Variants in RHBDD2 observed in about 807,000 individuals in gnomAD.
RHBDD2 encodes the protein rhomboid domain-containing protein 2.
A neutral mutation model predicts 21.7 loss-of-function variants in RHBDD2; 13 were observed. The observed-to-expected ratio is 0.60, with a 90% CI of 0.39 to 0.95. The LOEUF (loss-of-function observed/expected upper bound fraction) is 0.95, where lower values mean the gene tolerates loss of function less well. RHBDD2 is among the 40% of genes least tolerant of loss of function. RHBDD2 has a pLI of 0.00. For missense variants in RHBDD2, 473 were observed against 478.9 expected (o/e 0.99, Z 0.11); for synonymous variants, 225 against 220.0 (o/e 1.02, Z -0.20).
chr7:75,883,438 G>T lies in RHBDD2; in HGVS notation c.587-260G>T, dbSNP rs1409710154. 1.9e-5 allele frequency: 5 copies of T among 263,746 alleles called. No homozygotes were observed. In the East Asian group the frequency reaches 4.1e-4, roughly 21 times the overall value. 16.3% of individuals were successfully genotyped at this position (263,746 alleles called of 1,614,324 possible). A position where few individuals can be genotyped will look rare whatever the true frequency, so the allele number is the denominator to read the frequency against. ...GGAGGCTGAGGCAGGAGAATGGTGT[G>T]ATCTGGGAGGCGGAGCTTGCAGTGA... is the stretch of plus-strand genomic sequence containing the variant. On this transcript the variant is annotated intron_variant, in intron 2 of 3. Coordinates refer to ENST00000006777, the MANE Select transcript of RHBDD2 (RefSeq NM_001040456.3).
At position 75,882,220 on chromosome 7, in the gene RHBDD2, G is replaced by C; in HGVS notation, c.570G>C (p.Leu190=). The C allele has an allele frequency of 6.2e-7, 1 of 1,612,222 alleles. No homozygotes were observed. Among genetic ancestry groups the C allele is most frequent in the East Asian group, 2.2e-5 (1 of 44,858 alleles). Residue 190 remains leucine, a synonymous_variant, in exon 2 of 4, where the codon CTG becomes CTC. Transcript: ENST00000006777. The part of the protein sequence containing the change: ...QTSFLSNVCG[L]SIGLAYGLTY... ...CTTTCCTCAGTAATGTCTGCGGGCT[G>C]TCCATCGGGCTGGCCTGTATCCTTC...
chr7:75,888,496 C>T lies in RHBDD2; in HGVS notation c.*147C>T. On this transcript the variant is annotated 3_prime_UTR_variant, in exon 4 of 4. Transcript: ENST00000006777. ...TGCCCCTGTTTCAGTCTCATCTGTA[C>T]TCACGGCAGCCCTGTGGAGTACGGT... 1.5e-6 allele frequency: 1 copy of T among 674,558 alleles called. No homozygotes were observed. Among genetic ancestry groups the T allele is most frequent in the Non-Finnish European group, 2.5e-6 (1 of 392,784 alleles). 41.8% of individuals were successfully genotyped at this position (674,558 alleles called of 1,614,324 possible). A position where few individuals can be genotyped will look rare whatever the true frequency, so the allele number is the denominator to read the frequency against.
intron 1 of RHBDD2, chr7:75,881,524 C>T (rs1405397298): frequency 7.5e-7 from 1 of 1,337,954 alleles, no homozygotes; most frequent in South Asian, 1.3e-5. Context: ...GATTATAAAG[C>T]ACTTTACAAA....
At chr7:75,879,370 C>T (rs1805180738) in intron 1 of RHBDD2, 110 bp downstream of exon 1, 1 of 1,079,726 alleles carries the variant, frequency 9.3e-7, no homozygotes, top group Non-Finnish European at 1.2e-6. Flanking sequence ...CGCCAGTCTC[C>T]CCCTGTCTCG....
rs1805851281 is a variant in RHBDD2, at chr7:75,888,705, C to G, written c.*356C>G. 3.5e-6 allele frequency: 1 copy of G among 283,116 alleles called. No individual in the cohort carries two copies. Among genetic ancestry groups the G allele is most frequent in the Admixed American group, 4.8e-5 (1 of 20,880 alleles). The allele number at this position is 283,116 out of a possible 1,614,324, so 17.5% of individuals were successfully genotyped here. Reference sequence around the variant, plus strand: ...CATTCCTCCCTGTGGCTGTGCCGTGCTCGTGGTTTCAGTGTCCGTGTGTCC... The same window carrying G: ...CATTCCTCCCTGTGGCTGTGCCGTGGTCGTGGTTTCAGTGTCCGTGTGTCC... On this transcript the variant is annotated 3_prime_UTR_variant, in exon 4 of 4. Coordinates refer to ENST00000006777, the MANE Select transcript of RHBDD2 (RefSeq NM_001040456.3).
Position 75,888,036 on chromosome 7 carries a change from C to T in RHBDD2, c.782C>T (p.Pro261Leu). 1 of 1,613,630 alleles carries T rather than the reference C, an allele frequency of 6.2e-7. No homozygotes were observed. Among genetic ancestry groups the T allele is most frequent in the Non-Finnish European group, 8.5e-7 (1 of 1,180,014 alleles). Residue 261 changes from proline to leucine, a missense_variant, in exon 4 of 4, where the codon CCT becomes CTT. Transcript: ENST00000006777. ...TCCTACCCCACACAGAGCTGCCACCCTCACCTGTCCCCAAGCCACCCTGTG... is the reference window on the plus strand; with the variant it reads ...TCCTACCCCACACAGAGCTGCCACCTTCACCTGTCCCCAAGCCACCCTGTG... ...PGSYPTQSCH[P>L]HLSPSHPVSQ...
At position 75,888,333 on chromosome 7, in the gene RHBDD2, G is replaced by A; in HGVS notation, c.1079G>A (p.Arg360Lys). 1 of 1,610,392 alleles carries A rather than the reference G, an allele frequency of 6.2e-7. No individual in the cohort carries two copies. Among genetic ancestry groups the A allele is most frequent in the Non-Finnish European group, 8.5e-7 (1 of 1,179,204 alleles). Residue 360 changes from arginine (R) to lysine (K), a missense_variant, in exon 4 of 4, where the codon AGG becomes AAG. Arg to Lys is a conservative substitution (Grantham distance 26). Transcript: ENST00000006777. Reference sequence around the variant, plus strand: ...GCTGCAGGCTCCAAGGAGTCCTCCAGGGTCCCCATGCCCTGAGAGAATTTC... The same window carrying A: ...GCTGCAGGCTCCAAGGAGTCCTCCAAGGTCCCCATGCCCTGAGAGAATTTC... Reference protein sequence around the residue: ...PGAAGSKESSRVPMP With the variant: ...PGAAGSKESSKVPMP
In RHBDD2 at chr7:75,888,481, T is replaced by G. The variant is rs1000872592; in HGVS notation, c.*132T>G. ...GGGTACTTTGATCAATGCCCCTGTT[T>G]CAGTCTCATCTGTACTCACGGCAGC... On this transcript the variant is annotated 3_prime_UTR_variant, in exon 4 of 4. Transcript: ENST00000006777. The G allele has an allele frequency of 4.1e-6, 3 of 739,234 alleles. No homozygotes were observed. Among genetic ancestry groups the G allele is most frequent in the African/African-American group, 3.5e-5 (2 of 57,370 alleles). The allele number at this position is 739,234 out of a possible 1,614,324, so 45.8% of individuals were successfully genotyped here. A position where few individuals can be genotyped will look rare whatever the true frequency, so the allele number is the denominator to read the frequency against.
rs1554542781 is a variant in RHBDD2 at position 75,882,230 on chromosome 7, C to T, written c.580C>T (p.Leu194=). 2 of 1,609,704 alleles carry T rather than the reference C, an allele frequency of 1.2e-6. No homozygotes were observed. ...TAATGTCTGCGGGCTGTCCATCGGG[C>T]TGGCCTGTATCCTTCCTAGCAGAGA... ...LSNVCGLSIG[L]AYGLTYCYSI... The change falls in exon 2 of 4, where the codon CTG becomes TTG. Residue 194 remains leucine, a synonymous_variant. Transcript: ENST00000006777.
At position 75,882,330 on chromosome 7, in the gene RHBDD2, A is replaced by G. The variant is rs576825317; in HGVS notation, c.586+94A>G. The G allele has an allele frequency of 9.3e-5, 113 of 1,220,042 alleles. 1 individual carries two copies. In the African/African-American group the frequency reaches 1.6e-3, roughly 17 times the overall value. The allele number at this position is 1,220,042 out of a possible 1,614,324, so 75.6% of individuals were successfully genotyped here. ...GTGTCAAGTAGATAAAATTGGGCTT[A>G]CTTTGTATTTTTTCGAAACAGAGTC... On this transcript the variant is annotated intron_variant, in intron 2 of 3. Transcript: ENST00000006777.
intron 3 of RHBDD2, among the ~76,000 whole-genome samples, chr7:75,885,800 C>T (rs1475047079): frequency 2.0e-5 from 3 of 152,136 alleles, no homozygotes; most frequent in African/African-American, 4.8e-5. Context: ...GCCACTCACG[C>T]AAGGTCTGCC....
chr7:75,885,571 A>C (rs1805611808), intron 3 of RHBDD2, among the ~76,000 whole-genome samples: 1 of 152,182 alleles, frequency 6.6e-6, no homozygotes, highest in Admixed American at 6.5e-5. Context: ...CTATAAAGAA[A>C]TACCTGAGCC....
intron 2 of RHBDD2, 77 bp downstream of exon 2, chr7:75,882,313 T>C: frequency 7.6e-7 from 1 of 1,323,280 alleles, no homozygotes; most frequent in Non-Finnish European, 1.0e-6. Context: ...GGGTGTCAAG[T>C]AGATAAAATT....
intron 3 of RHBDD2, among the ~76,000 whole-genome samples, chr7:75,887,306 TAAAAA>T (rs551487813): frequency 7.8e-6 from 1 of 127,700 alleles, no homozygotes; most frequent in Non-Finnish European, 1.7e-5. Context: ...CCTGGCTAAT[TAAAAA>T]AAAAAAAAAA....
intron 3 of RHBDD2, among the ~76,000 whole-genome samples, chr7:75,884,566 T>C (rs879956788): frequency 6.6e-6 from 1 of 152,078 alleles, no homozygotes; most frequent in Non-Finnish European, 1.5e-5. Flanking sequence ...GTGTGGCTGG[T>C]TTATTGCCGT....
At chr7:75,879,294 T>A in intron 1 of RHBDD2, 34 bp downstream of exon 1, 1 of 1,428,714 alleles carries the variant, frequency 7.0e-7, no homozygotes, top group South Asian at 1.4e-5. Flanking sequence ...GCGGGGCGAG[T>A]CCTTGTCCTC....
intron 3 of RHBDD2, among the ~76,000 whole-genome samples, chr7:75,886,024 A>G (rs1805644229): frequency 6.6e-6 from 1 of 152,126 alleles, no homozygotes; most frequent in Non-Finnish European, 1.5e-5. Context: ...GTGCCACTAT[A>G]CCCGGCTAAA....
At chr7:75,881,628 A>T in intron 1 of RHBDD2, 1 of 1,033,008 alleles carries the variant, frequency 9.7e-7, no homozygotes, top group Non-Finnish European at 1.4e-6. Context: ...AAGTGTAGGG[A>T]TTAGATATTC....
rs1805168466 is a variant in RHBDD2 at position 75,879,227 on chromosome 7, A to G, written c.145A>G (p.Thr49Ala). The G allele has an allele frequency of 6.6e-7, 1 of 1,522,078 alleles. No individual in the cohort carries two copies. The highest frequency in any genetic ancestry group is 1.4e-5 in the African/African-American group (1 of 70,034). 94.3% of individuals were successfully genotyped at this position (1,522,078 alleles called of 1,614,324 possible). The change falls in exon 1 of 4, where the codon ACG becomes GCG. Residue 49 changes from threonine to alanine, a missense_variant. Coordinates refer to ENST00000006777, the MANE Select transcript of RHBDD2 (RefSeq NM_001040456.3). The part of the protein sequence containing the change: ...LQQPLAPSGL[T>A]LKSEALRNWQ... ...GCAGCCCCTGGCGCCCTCGGGCCTCACGCTGAAGTCCGAGGCCCTTCGCAA... is the reference window on the plus strand; with the variant it reads ...GCAGCCCCTGGCGCCCTCGGGCCTCGCGCTGAAGTCCGAGGCCCTTCGCAA...
Sources: gnomAD v4.1 joint callset for allele counts (sites outside exome capture counted in the v4.1 genomes callset) on GRCh38, gnomAD v4.1.1 for gene constraint, MANE v1.5 for transcripts, NCBI Gene and HGNC (gene_info 2026-07-23, HGNC 2026-07-21) for gene names.